Variants in MAP3K19 observed in about 807,000 individuals in gnomAD.
The protein encoded by MAP3K19 is SPS1/STE20-related protein kinase YSK4.
In MAP3K19, 91 loss-of-function variants were observed where a neutral mutation model predicts 114.4. The ratio of observed to expected loss-of-function variants is 0.80; its 90% CI spans 0.67 to 0.95. The LOEUF (loss-of-function observed/expected upper bound fraction) is 0.95, where lower values mean the gene tolerates loss of function less well. MAP3K19 is among the 40% of genes least tolerant of loss of function. The pLI is 0.00. For missense variants in MAP3K19, 1,471 were observed against 1,573.2 expected, an observed-to-expected ratio of 0.94 and a Z score of 1.10; for synonymous variants, 518 against 530.5, an observed-to-expected ratio of 0.98 and a Z score of 0.32.
rs763792023 is a variant in MAP3K19 at position 135,005,428 on chromosome 2, C to G, written c.235+7G>C. On this transcript the variant is annotated splice_region_variant and intron_variant, in intron 6 of 12. Coordinates refer to ENST00000392915, the MANE Select transcript of MAP3K19 (RefSeq NM_025052.5). ...TTGTAAACACATCAAGGAGTAAAGC[C>G]CAGTACCTTCTGTCCTGGGTTGCCA... 1.2e-6 allele frequency: 2 copies of G among 1,601,856 alleles called. No individual in the cohort carries two copies. The highest frequency in any genetic ancestry group is 1.1e-5 in the South Asian group (1 of 90,820).
intron 8 of MAP3K19, among the ~76,000 whole-genome samples, chr2:134,994,960 T>G (rs1377602936): frequency 1.3e-5 from 2 of 152,158 alleles, no homozygotes; most frequent in Non-Finnish European, 2.9e-5. Flanking sequence ...TTTCATATTC[T>G]CCGTGTACCC....
At chr2:135,003,447 G>A (rs954447732) in intron 6 of MAP3K19, among the ~76,000 whole-genome samples, 10 of 152,118 alleles carry the variant, frequency 6.6e-5, no homozygotes, top group South Asian at 2.1e-4. Context: ...ATTAGTTTTA[G>A]GGAATAGGCT....
chr2:134,991,217 C>A (rs962659338), intron 9 of MAP3K19: 1 of 293,710 alleles, frequency 3.4e-6, no homozygotes, highest in Non-Finnish European at 6.7e-6. Context: ...AGGAGAATGG[C>A]GTGAACCCGG....
intron 12 of MAP3K19, among the ~76,000 whole-genome samples, chr2:134,965,179 A>G (rs1559128853): frequency 1.3e-5 from 2 of 152,220 alleles, no homozygotes; most frequent in Non-Finnish European, 2.9e-5. Flanking sequence ...AAACAATAGC[A>G]TGGTACTTGT....
chr2:135,027,465 T>C (rs1023059129), intron 3 of MAP3K19, among the ~76,000 whole-genome samples: 1 of 152,062 alleles, frequency 6.6e-6, no homozygotes. Flanking sequence ...TGTCTCGGTT[T>C]ACATGTGATT....
At chr2:134,969,098 G>A (rs879717261) in intron 12 of MAP3K19, among the ~76,000 whole-genome samples, 25 of 152,176 alleles carry the variant, frequency 1.6e-4, no homozygotes, top group Non-Finnish European at 2.9e-4. Flanking sequence ...CTGCAATCCC[G>A]GCACCTTGGG....
chr2:135,039,081 T>G (rs1259471763), intron 2 of MAP3K19, among the ~76,000 whole-genome samples: 1 of 151,294 alleles, frequency 6.6e-6, no homozygotes, highest in Admixed American at 6.6e-5. Context: ...ATTTTTGGCC[T>G]GGGTGTTGGG....
At chr2:134,991,956 AG>A (rs945153020) in intron 8 of MAP3K19, among the ~76,000 whole-genome samples, 1 of 152,166 alleles carries the variant, frequency 6.6e-6, no homozygotes, top group Non-Finnish European at 1.5e-5. Flanking sequence ...GCATCACAGG[AG>A]GGAGCTCTGG....
chr2:135,026,349 T>C (rs1321829735), intron 3 of MAP3K19, among the ~76,000 whole-genome samples: 10 of 152,226 alleles, frequency 6.6e-5, no homozygotes, highest in Admixed American at 6.5e-4. Context: ...TGGGATGACG[T>C]CCAGGAATCT....
rs140749941 is a variant in MAP3K19, at chr2:135,031,800, A to G, written c.-283-1300T>C. Among the ~76,000 whole-genome samples the G allele has an allele frequency of 2.0e-4, 31 of 152,334 alleles. No individual in the cohort carries two copies. The East Asian group carries it at 5.8e-3, about 28-fold the overall frequency. ...ACTTAGGAGGTGGAATTAACAAAAC[A>G]TAGCCATTTATTCAATGTGGATGTT... is the stretch of plus-strand genomic sequence containing the variant. On this transcript the variant is annotated intron_variant, in intron 2 of 12. Coordinates refer to ENST00000392915, the MANE Select transcript of MAP3K19 (RefSeq NM_025052.5).
rs1686303275 is a variant in MAP3K19, at chr2:134,999,749, T to TTG, written c.314+187_314+188insCA. Among the ~76,000 whole-genome samples the TTG allele has an allele frequency of 7.1e-6, 1 of 140,088 alleles. No individual in the cohort carries two copies. Among genetic ancestry groups the TTG allele is most frequent in the African/African-American group, 2.9e-5 (1 of 34,616 alleles). 91.9% of individuals were successfully genotyped at this position (140,088 alleles called of 152,430 possible). A position where few individuals can be genotyped will look rare whatever the true frequency, so the allele number is the denominator to read the frequency against. ...AAATGACAGTTGCAGAGTTGAATCA[T>TTG]CACAACAGAGACCATATGGCCCACA... On this transcript the variant is annotated intron_variant, in intron 7 of 12. Transcript: ENST00000392915. The surrounding 1 kb of genome is among the most constrained non-coding windows in gnomAD (Gnocchi z 4.1).
chr2:135,044,832 A>G (rs1455756126), intron 1 of MAP3K19, among the ~76,000 whole-genome samples: 1 of 152,142 alleles, frequency 6.6e-6, no homozygotes, highest in Non-Finnish European at 1.5e-5. Flanking sequence ...TATCCTCAAT[A>G]AGTGTATATC....
At chr2:135,034,950 T>C (rs1688495106) in intron 2 of MAP3K19, among the ~76,000 whole-genome samples, 3 of 151,182 alleles carry the variant, frequency 2.0e-5, no homozygotes, top group Non-Finnish European at 2.9e-5. Context: ...ATGTTGTATA[T>C]CAAGAAAATG....
chr2:135,024,981 G>A (rs1430942104), intron 3 of MAP3K19, among the ~76,000 whole-genome samples: 1 of 152,122 alleles, frequency 6.6e-6, no homozygotes, highest in Non-Finnish European at 1.5e-5. Flanking sequence ...TCTGAGGTTT[G>A]CAGAGAATTC....
chr2:134,987,917 T>A lies in MAP3K19; in HGVS notation c.955A>T (p.Ile319Phe). Reference protein sequence around the residue: ...KSKEIEECNKIEITHFEKGQS... With the variant: ...KSKEIEECNKFEITHFEKGQS... ...CCTTTTTCAAAGTGAGTGATTTCAA[T>A]TTTGTTACATTCTTCTATTTCCTTG... Residue 319 changes from isoleucine to phenylalanine, a missense_variant, in exon 10 of 13, where the codon ATT (isoleucine) becomes TTT (phenylalanine). By Grantham distance (21) the Ile-to-Phe change is conservative. Coordinates refer to ENST00000392915, the MANE Select transcript of MAP3K19 (RefSeq NM_025052.5). 6.2e-7 allele frequency: 1 copy of A among 1,614,210 alleles called. No individual in the cohort carries two copies. Among genetic ancestry groups the A allele is most frequent in the Non-Finnish European group, 8.5e-7 (1 of 1,180,034 alleles).
intron 2 of MAP3K19, among the ~76,000 whole-genome samples, chr2:135,038,038 C>T (rs552951837): frequency 2.0e-5 from 3 of 151,984 alleles, no homozygotes; most frequent in South Asian, 4.2e-4. Flanking sequence ...GAGATGTCTG[C>T]GAGTGAAAGG....
intron 5 of MAP3K19, among the ~76,000 whole-genome samples, chr2:135,021,281 G>C (rs1687952306): frequency 6.6e-6 from 1 of 152,192 alleles, no homozygotes; most frequent in Non-Finnish European, 1.5e-5. Context: ...GCACTAGCTA[G>C]CTCTCTGTCC....
chr2:134,980,147 C>A (rs1684530832), intron 12 of MAP3K19, among the ~76,000 whole-genome samples: 1 of 152,202 alleles, frequency 6.6e-6, no homozygotes, highest in African/African-American at 2.4e-5. Flanking sequence ...AGCCCTACTC[C>A]TTAACTCTTC....
intron 5 of MAP3K19, among the ~76,000 whole-genome samples, chr2:135,016,532 TAC>T (rs149691971): frequency 1.3e-5 from 2 of 152,094 alleles, no homozygotes; most frequent in Non-Finnish European, 2.9e-5. Flanking sequence ...CTTGTTAATT[TAC>T]ACACACACAC....
Sources: gnomAD v4.1 joint callset for allele counts (sites outside exome capture counted in the v4.1 genomes callset) on GRCh38, gnomAD v4.1.1 for gene constraint, Gnocchi (gnomAD v3.1) non-coding constraint, MANE v1.5 for transcripts, NCBI Gene and HGNC (gene_info 2026-07-23, HGNC 2026-07-21) for gene names.